The following AEN variants were observed in gnomAD, a reference collection of about 807,000 sequenced individuals.
The protein encoded by AEN is apoptosis-enhancing nuclease.
In AEN, 21 loss-of-function variants were observed where a neutral mutation model predicts 17.7. The ratio of observed to expected loss-of-function variants is 1.19; its 90% CI spans 0.84 to 1.71. The LOEUF (loss-of-function observed/expected upper bound fraction) is 1.71, where lower values mean the gene tolerates loss of function less well. Among genes scored for constraint, AEN ranks in the 40% most tolerant of loss-of-function variants. AEN has a pLI of 0.00. For missense variants in AEN, 462 were observed against 435.9 expected, an observed-to-expected ratio of 1.06 and a Z score of -0.53; for synonymous variants, 190 against 173.0, an observed-to-expected ratio of 1.10 and a Z score of -0.77.
upstream of AEN, among the ~76,000 whole-genome samples, chr15:88,617,708 A>G (rs919350830): frequency 2.0e-5 from 3 of 151,978 alleles, no homozygotes; most frequent in African/African-American, 7.3e-5. Context: ...GCAATGACTG[A>G]GATAAAACTC....
Position 88,630,017 on chromosome 15 carries a change from A to T in AEN, c.742-41A>T, listed in dbSNP as rs1286947160. The T allele has an allele frequency of 6.3e-7, 1 of 1,591,264 alleles. No homozygotes were observed. Among genetic ancestry groups the T allele is most frequent in the African/African-American group, 1.3e-5 (1 of 74,614 alleles). On this transcript the variant is annotated intron_variant, in intron 3 of 3. Coordinates refer to ENST00000332810, the MANE Select transcript of AEN (RefSeq NM_022767.4). The surrounding 1 kb of genome is among the most constrained non-coding windows in gnomAD (Gnocchi z 5.1). ...TGCTTCTTGGGGTAACAGGCCTCTC[A>T]CTAGGCCTGCAGGCAGTGATGTGTT...
At chr15:88,627,166 C>G in intron 2 of AEN, 1 of 186,518 alleles carries the variant, frequency 5.4e-6, no homozygotes, top group South Asian at 9.6e-5. Flanking sequence ...TGGGACCACA[C>G]TGATGCACCA....
chr15:88,612,163 G>T, the AEN span, among the ~76,000 whole-genome samples: 1 of 152,096 alleles, frequency 6.6e-6, no homozygotes, highest in Non-Finnish European at 1.5e-5. Context: ...AAGGGCAGGG[G>T]GAGAAAAACC....
chr15:88,607,887 A>G, the AEN span, among the ~76,000 whole-genome samples: 1 of 152,148 alleles, frequency 6.6e-6, no homozygotes, highest in Non-Finnish European at 1.5e-5. Context: ...TTACTATAGA[A>G]ACTTCCCTTT....
Position 88,626,415 on chromosome 15 carries a change from G to C in AEN, c.206G>C (p.Gly69Ala). Reference sequence around the variant, plus strand: ...TCCTCCCCACTGCCCACCCCTTTCGGGGCAGCGACAGCAACTGAAGCTGCC... The same window carrying C: ...TCCTCCCCACTGCCCACCCCTTTCGCGGCAGCGACAGCAACTGAAGCTGCC... ...PGSSPLPTPF[G>A]AATATEAASS... Residue 69 changes from glycine (G) to alanine (A), a missense_variant, in exon 2 of 4, where the codon GGG (glycine) becomes GCG (alanine). Physicochemically the swap from Gly to Ala is moderately conservative, Grantham distance 60. Transcript: ENST00000332810. The C allele has an allele frequency of 6.2e-7, 1 of 1,612,808 alleles. No individual in the cohort carries two copies.
intron 1 of AEN, among the ~76,000 whole-genome samples, chr15:88,623,596 A>G (rs1240754960): frequency 6.6e-6 from 1 of 152,142 alleles, no homozygotes; most frequent in African/African-American, 2.4e-5. Context: ...ATGGACTTTG[A>G]AGGGTGTAAT....
chr15:88,615,417 A>G, the AEN span, among the ~76,000 whole-genome samples: 2 of 152,156 alleles, frequency 1.3e-5, no homozygotes, highest in African/African-American at 4.8e-5. Context: ...TCTTGGTGCC[A>G]GGCTGTGTCC....
intron 1 of AEN, among the ~76,000 whole-genome samples, chr15:88,624,712 C>T (rs1313162701): frequency 6.6e-6 from 1 of 152,096 alleles, no homozygotes; most frequent in Non-Finnish European, 1.5e-5. Context: ...GGCAAAACGC[C>T]ACCTCTATTA....
In AEN at chr15:88,626,384, C is replaced by G; in HGVS notation, c.175C>G (p.Pro59Ala). 1 of 1,612,376 alleles carries G rather than the reference C, an allele frequency of 6.2e-7. No homozygotes were observed. The highest frequency in any genetic ancestry group is 8.5e-7 in the Non-Finnish European group (1 of 1,179,370). ...EQGLLSMPPE[P>A]GSSPLPTPFG... ...GGGGCTGCTGAGCATGCCTCCAGAA[C>G]CAGGGTCCTCCCCACTGCCCACCCC... The change falls in exon 2 of 4, where the codon CCA (proline) becomes GCA (alanine). Residue 59 changes from proline (P) to alanine (A), a missense_variant. Physicochemically the swap from Pro to Ala is conservative, Grantham distance 27. Coordinates refer to ENST00000332810, the MANE Select transcript of AEN (RefSeq NM_022767.4).
Position 88,626,503 on chromosome 15 carries a change from T to C in AEN, c.294T>C (p.Ala98=), listed in dbSNP as rs773544727. Residue 98 remains alanine, a synonymous_variant, in exon 2 of 4, where the codon GCT becomes GCC. Coordinates refer to ENST00000332810, the MANE Select transcript of AEN (RefSeq NM_022767.4). ...SGSAPCSRRP[A]PGKASGPLPS... is the part of the protein sequence containing the mutation. ...GTGCCCCATGCAGCAGAAGGCCTGC[T>C]CCCGGGAAAGCCTCAGGGCCCTTGC... 2.5e-6 allele frequency: 4 copies of C among 1,613,976 alleles called. No homozygotes were observed. The highest frequency in any genetic ancestry group is 1.7e-5 in the Admixed American group (1 of 60,010).
intron 1 of AEN, among the ~76,000 whole-genome samples, chr15:88,624,040 T>G (rs956298915): frequency 2.6e-5 from 4 of 152,250 alleles, no homozygotes; most frequent in Admixed American, 6.5e-5. Flanking sequence ...AGATGTAGCC[T>G]CTTCCAGGAA....
At position 88,631,753 on chromosome 15, in the gene AEN, G is replaced by C. The variant is rs2057931059; in HGVS notation, c.*1459G>C. 6.6e-6 allele frequency: 1 copy of C among 152,436 alleles called. No individual in the cohort carries two copies. The highest frequency in any genetic ancestry group is 6.5e-5 in the Admixed American group (1 of 15,304). 9.4% of individuals were successfully genotyped at this position (152,436 alleles called of 1,614,324 possible). ...CCACAGGCTGAGCAGCTGTGGCCCA[G>C]ACAGAACTGCTCCGGCTTGGCTGTT... is the stretch of plus-strand genomic sequence containing the variant. On this transcript the variant is annotated 3_prime_UTR_variant, in exon 4 of 4. Coordinates refer to ENST00000332810, the MANE Select transcript of AEN (RefSeq NM_022767.4).
chr15:88,627,021 T>G (rs1041188501), intron 2 of AEN: 2 of 438,626 alleles, frequency 4.6e-6, no homozygotes, highest in African/African-American at 3.9e-5. Context: ...TTTTAGAGTT[T>G]GCTTTCTGTT....
the AEN span, chr15:88,612,049 C>A: frequency 5.3e-6 from 2 of 375,180 alleles, no homozygotes; most frequent in South Asian, 3.9e-5. Context: ...AAACACCCAT[C>A]GGCAGACTCT....
chr15:88,624,264 C>A (rs1308102705), intron 1 of AEN, among the ~76,000 whole-genome samples: 2 of 152,142 alleles, frequency 1.3e-5, no homozygotes, highest in African/African-American at 4.8e-5. Flanking sequence ...GACAGAGTTT[C>A]TTCCAGAAGG....
upstream of AEN, among the ~76,000 whole-genome samples, chr15:88,618,167 C>G (rs546017773): frequency 6.6e-6 from 1 of 152,306 alleles, no homozygotes; most frequent in East Asian, 1.9e-4. Flanking sequence ...TCACCCCACC[C>G]CAAAATCATC....
the AEN span, among the ~76,000 whole-genome samples, chr15:88,608,507 G>A: frequency 1.2e-4 from 19 of 152,318 alleles, no homozygotes; most frequent in African/African-American, 4.3e-4. Context: ...CCTAAAAATA[G>A]ATAATTGGTC....
At chr15:88,605,347 C>A in the AEN span, among the ~76,000 whole-genome samples, 1 of 152,228 alleles carries the variant, frequency 6.6e-6, no homozygotes, top group Non-Finnish European at 1.5e-5. This position sits in a 1 kb window ranked among gnomAD's most constrained non-coding sequence, Gnocchi z 7.6. Context: ...CCCGCCGTCG[C>A]CCCTCCTCCC....
the AEN span, chr15:88,611,783 C>T: frequency 0.3 from 129,965 of 436,200 alleles, 21,786 homozygotes; most frequent in Non-Finnish European, 0.36. Flanking sequence ...GACCTGGTGG[C>T]GAGGGGAGGG....
Sources: gnomAD v4.1 joint callset for allele counts (sites outside exome capture counted in the v4.1 genomes callset) on GRCh38, gnomAD v4.1.1 for gene constraint, Gnocchi (gnomAD v3.1) non-coding constraint, MANE v1.5 for transcripts, NCBI Gene and HGNC (gene_info 2026-07-23, HGNC 2026-07-21) for gene names.